Variants in MCTP2 observed in about 807,000 individuals in gnomAD.
MCTP2 encodes the protein multiple C2 and transmembrane domain-containing protein 2.
A neutral mutation model predicts 111.6 loss-of-function variants in MCTP2; 132 were observed. That is an observed-to-expected ratio of 1.18 (90% confidence interval 1.03 to 1.37). The LOEUF is 1.37. Among genes scored for constraint, MCTP2 ranks in the 40% most tolerant of loss-of-function variants. The pLI, the probability that MCTP2 is intolerant of heterozygous loss-of-function variation, is 0.00. For synonymous variants in MCTP2, 395 were observed against 387.7 expected (o/e 1.02, Z -0.22); for missense variants, 1,183 against 1,067.9 (o/e 1.11, Z -1.50).
Position 94,337,691 on chromosome 15 carries a change from G to A in MCTP2, c.638-1599G>A, listed in dbSNP as rs185117677. Among the ~76,000 whole-genome samples, 157 of 152,202 alleles carry A rather than the reference G, an allele frequency of 1.0e-3. 1 individual carries two copies. Among genetic ancestry groups the A allele is most frequent in the African/African-American group, 3.6e-3 (150 of 41,548 alleles). On this transcript the variant is annotated intron_variant, in intron 4 of 22. Transcript: ENST00000357742. ...GGTGTGTGTGTGTGTGTGTGCGCGC[G>A]CATGCACGCGCGTGTGCATGCCCAA...
In MCTP2 at chr15:94,458,266, T is replaced by C. The variant is rs1567750156; in HGVS notation, c.2360+20T>C. ...TAAGAAGTAAGTTCTAAATTTGTGT[T>C]GTGGTGTTTGCAGTAGACCTGCTAT... On this transcript the variant is annotated intron_variant, in intron 20 of 22. Transcript: ENST00000357742. 2.7e-6 allele frequency: 4 copies of C among 1,486,766 alleles called. No homozygotes were observed. Among genetic ancestry groups the C allele is most frequent in the Middle Eastern group, 1.7e-4 (1 of 5,834 alleles). 92.1% of individuals were successfully genotyped at this position (1,486,766 alleles called of 1,614,324 possible).
chr15:94,432,728 G>A (rs2083263820), intron 17 of MCTP2, among the ~76,000 whole-genome samples: 1 of 152,112 alleles, frequency 6.6e-6, no homozygotes, highest in African/African-American at 2.4e-5. Flanking sequence ...CAAAAGCAAT[G>A]TTTTTGAGAA....
intron 2 of MCTP2, among the ~76,000 whole-genome samples, chr15:94,304,072 C>T (rs1044550465): frequency 6.6e-6 from 1 of 152,202 alleles, no homozygotes; most frequent in African/African-American, 2.4e-5. Context: ...AGAGGACTGA[C>T]TCATGATAAC....
intron 19 of MCTP2, among the ~76,000 whole-genome samples, chr15:94,450,361 C>T (rs1046557256): frequency 1.4e-4 from 21 of 152,312 alleles, no homozygotes; most frequent in East Asian, 5.8e-4. Flanking sequence ...TGTGTGCACG[C>T]GCACGTGTGC....
chr15:94,245,662 ATG>A (rs1596164152), intron 1 of MCTP2, among the ~76,000 whole-genome samples: 1 of 146,358 alleles, frequency 6.8e-6, no homozygotes, highest in African/African-American at 2.5e-5. Flanking sequence ...GTATATGTAA[ATG>A]TGTATATACA....
At chr15:94,277,024 T>A (rs1161139907) in intron 1 of MCTP2, among the ~76,000 whole-genome samples, 2 of 151,840 alleles carry the variant, frequency 1.3e-5, no homozygotes, top group East Asian at 3.9e-4. Context: ...AATTTGCTTG[T>A]CTACATAGAA....
rs545289740 is a variant in MCTP2 at position 94,364,576 on chromosome 15, A to G, written c.1302-3029A>G. 2.0e-5 allele frequency among the ~76,000 whole-genome samples: 3 copies of G among 152,318 alleles called. No individual in the cohort carries two copies. In the South Asian group the frequency reaches 6.2e-4, roughly 32 times the overall value. On this transcript the variant is annotated intron_variant, in intron 10 of 22. Transcript: ENST00000357742. ...TGTATTATAGAATGTTTACGTCTTA[A>G]AGACTTTAAATTTTAGTCCATTTGT...
intron 1 of MCTP2, among the ~76,000 whole-genome samples, chr15:94,262,002 T>C (rs965664550): frequency 6.6e-6 from 1 of 152,180 alleles, no homozygotes; most frequent in African/African-American, 2.4e-5. Flanking sequence ...TAGACAAATA[T>C]TTAAATATTT....
chr15:94,362,036 C>A (rs973336964), intron 10 of MCTP2, among the ~76,000 whole-genome samples: 1 of 152,104 alleles, frequency 6.6e-6, no homozygotes, highest in Non-Finnish European at 1.5e-5. Context: ...CCCCCTGAGC[C>A]ACAAGTAACT....
At chr15:94,440,717 C>G (rs981525177) in intron 18 of MCTP2, among the ~76,000 whole-genome samples, 1 of 152,204 alleles carries the variant, frequency 6.6e-6, no homozygotes, top group South Asian at 2.1e-4. Flanking sequence ...ATGCAATGTT[C>G]TCTCTGGCTT....
intron 1 of MCTP2, among the ~76,000 whole-genome samples, chr15:94,285,394 G>A (rs1018130946): frequency 5.9e-5 from 9 of 152,194 alleles, no homozygotes; most frequent in African/African-American, 9.6e-5. Flanking sequence ...TTATCACTTA[G>A]CGTGGTGGGG....
At chr15:94,388,006 C>A (rs2080614193) in intron 14 of MCTP2, among the ~76,000 whole-genome samples, 1 of 152,110 alleles carries the variant, frequency 6.6e-6, no homozygotes, top group South Asian at 2.1e-4. Flanking sequence ...TCAAGTGTGC[C>A]TGTGGCGAAC....
intron 1 of MCTP2, among the ~76,000 whole-genome samples, chr15:94,243,567 A>G (rs769861802): frequency 7.4e-5 from 11 of 149,076 alleles, no homozygotes; most frequent in Non-Finnish European, 1.6e-4. Context: ...ATGCGTATGT[A>G]CATACATACG....
intron 10 of MCTP2, among the ~76,000 whole-genome samples, chr15:94,363,113 A>G (rs1021726070): frequency 1.3e-5 from 2 of 152,208 alleles, no homozygotes; most frequent in East Asian, 1.9e-4. Context: ...AAAAAACAGT[A>G]TAATTTGGAG....
At chr15:94,340,700 A>G (rs12902038) in intron 6 of MCTP2, 113 bp from the exon 7 acceptor site, 254,484 of 600,498 alleles carry the variant, frequency 0.42, 55,400 homozygotes, top group African/African-American at 0.56. Flanking sequence ...TCTTAACATC[A>G]TGTCTAATCC....
chr15:94,433,210 T>G (rs904374487), intron 17 of MCTP2, among the ~76,000 whole-genome samples: 4 of 152,214 alleles, frequency 2.6e-5, no homozygotes, highest in African/African-American at 4.8e-5. Flanking sequence ...AAAATTAATC[T>G]TTTCATGAGT....
chr15:94,249,824 A>G (rs901597901), intron 1 of MCTP2, among the ~76,000 whole-genome samples: 1 of 152,112 alleles, frequency 6.6e-6, no homozygotes, highest in Non-Finnish European at 1.5e-5. Context: ...GGTAGCTGTC[A>G]TGAGTTGATC....
chr15:94,417,877 C>T (rs746267229), intron 17 of MCTP2, among the ~76,000 whole-genome samples: 4 of 152,060 alleles, frequency 2.6e-5, no homozygotes, highest in African/African-American at 4.8e-5. Context: ...GTACCTTAGT[C>T]GGTTTTAAAC....
chr15:94,401,689 G>C (rs962656740), intron 16 of MCTP2, among the ~76,000 whole-genome samples: 2 of 152,134 alleles, frequency 1.3e-5, no homozygotes, highest in African/African-American at 4.8e-5. Context: ...TTTCAGATGA[G>C]CGCTAAAATG....
Sources: gnomAD v4.1 joint callset for allele counts (sites outside exome capture counted in the v4.1 genomes callset) on GRCh38, gnomAD v4.1.1 for gene constraint, MANE v1.5 for transcripts, NCBI Gene and HGNC (gene_info 2026-07-23, HGNC 2026-07-21) for gene names.